The following FGD5 variants were observed in gnomAD, a reference collection of about 807,000 sequenced individuals.
FGD5 encodes the protein FYVE, RhoGEF and PH domain containing 5.
A neutral mutation model predicts 133.4 loss-of-function variants in FGD5; 28 were observed. That is an observed-to-expected ratio of 0.21 (90% CI 0.16 to 0.29). FGD5 has a LOEUF of 0.29. Ranked by LOEUF, FGD5 falls within the 10% of genes least tolerant of loss-of-function variation. FGD5 has a pLI of 1.00. For missense variants in FGD5, 1,858 were observed against 1,895.2 expected (o/e 0.98, Z 0.36); for synonymous variants, 810 against 776.5 (o/e 1.04, Z -0.72).
chr3:14,826,277 TTCTCCCTC>T (rs1276530427), intron 1 of FGD5, among the ~76,000 whole-genome samples: 3 of 151,988 alleles, frequency 2.0e-5, no homozygotes, highest in Admixed American at 6.6e-5. Flanking sequence ...CTCCCTCCCT[TTCTCCCTC>T]TCTCCCTCTC....
At chr3:14,895,555 C>G (rs1304866517) in intron 4 of FGD5, among the ~76,000 whole-genome samples, 1 of 152,016 alleles carries the variant, frequency 6.6e-6, no homozygotes, top group Non-Finnish European at 1.5e-5. Context: ...ACAACAAGAT[C>G]TGTTTTTTGT....
At chr3:14,833,390 A>G (rs1413415335) in intron 1 of FGD5, among the ~76,000 whole-genome samples, 1 of 152,240 alleles carries the variant, frequency 6.6e-6, no homozygotes, top group Admixed American at 6.5e-5. Context: ...GTAAGATTTT[A>G]ATTAAGAAAA....
At chr3:14,811,063 C>T (rs981218190) in intron 1 of FGD5, among the ~76,000 whole-genome samples, 1 of 152,120 alleles carries the variant, frequency 6.6e-6, no homozygotes, top group African/African-American at 2.4e-5. Flanking sequence ...GGGTCCCCGT[C>T]CGAAGCGCCC....
chr3:14,818,946 T>C, upstream of FGD5: 1 of 1,440,156 alleles, frequency 6.9e-7, no homozygotes, highest in African/African-American at 1.4e-5. Flanking sequence ...TCTCTATTTT[T>C]GTCATCTAGA....
chr3:14,821,964 G>A (rs954717077), intron 1 of FGD5, among the ~76,000 whole-genome samples: 2 of 152,116 alleles, frequency 1.3e-5, no homozygotes, highest in Non-Finnish European at 2.9e-5. Flanking sequence ...GCTGGGCATG[G>A]TGGCATGCAC....
At chr3:14,879,796 G>T (rs144631746) in intron 2 of FGD5, among the ~76,000 whole-genome samples, 1 of 152,212 alleles carries the variant, frequency 6.6e-6, no homozygotes, top group Non-Finnish European at 1.5e-5. Flanking sequence ...AGGTGCTGCC[G>T]TGGCTAAGTC....
rs780562248 is a variant in FGD5 at position 14,821,080 on chromosome 3, A to C, written c.2009A>C (p.His670Pro). 1 of 1,613,964 alleles carries C rather than the reference A, an allele frequency of 6.2e-7. No homozygotes were observed. Among genetic ancestry groups the C allele is most frequent in the Non-Finnish European group, 8.5e-7 (1 of 1,179,886 alleles). Residue 670 changes from histidine to proline, a missense_variant, in exon 1 of 20, where the codon CAT becomes CCT. This residue lies in a region of FGD5 where 1,824 missense variants were observed against 1,848.9 expected (regional missense o/e 0.99). Coordinates refer to ENST00000285046, the MANE Select transcript of FGD5 (RefSeq NM_152536.4). ...AAGAAGAAGACGGAGAACAAATTGC[A>C]TGTGGATGTGAACGTGTCTTCCTCT... Reference protein sequence around the residue: ...TFKKKTENKLHVDVNVSSSRS... With the variant: ...TFKKKTENKLPVDVNVSSSRS...
chr3:14,821,148 C>A lies in FGD5; in HGVS notation c.2077C>A (p.Leu693Met). 6.2e-7 allele frequency: 1 copy of A among 1,613,960 alleles called. No individual in the cohort carries two copies. The change falls in exon 1 of 20, where the codon CTG (leucine) becomes ATG (methionine). Residue 693 changes from leucine to methionine, a missense_variant. Physicochemically the swap from Leu to Met is conservative, Grantham distance 15 (BLOSUM62 2). This residue lies in a region of FGD5 where 1,824 missense variants were observed against 1,848.9 expected (regional missense o/e 0.99). Transcript: ENST00000285046. ...ESSYHGPSRI[L>M]EVDRRSLSNS... Reference sequence around the variant, plus strand: ...CAGCTACCACGGGCCTTCCAGGATTCTGGAAGTTGACCGGAGAAGCCTCAG... The same window carrying A: ...CAGCTACCACGGGCCTTCCAGGATTATGGAAGTTGACCGGAGAAGCCTCAG...
chr3:14,831,033 T>G (rs2125076970), intron 1 of FGD5, among the ~76,000 whole-genome samples: 1 of 152,312 alleles, frequency 6.6e-6, no homozygotes. Context: ...CAGGGAAGGC[T>G]TCTCTGAAGA....
intron 1 of FGD5, among the ~76,000 whole-genome samples, chr3:14,846,402 C>T (rs921190798): frequency 6.6e-6 from 1 of 152,162 alleles, no homozygotes; most frequent in Non-Finnish European, 1.5e-5. Flanking sequence ...TTTCTATTGT[C>T]GTGGTCTCTG....
chr3:14,877,214 C>T (rs1032745970), intron 2 of FGD5, among the ~76,000 whole-genome samples: 6 of 152,242 alleles, frequency 3.9e-5, no homozygotes, highest in Non-Finnish European at 7.3e-5. Context: ...GGGCAACGCC[C>T]AGAAGCAGTT....
intron 12 of FGD5, 70 bp from the exon 13 acceptor site, chr3:14,918,684 G>T: frequency 2.7e-6 from 4 of 1,493,026 alleles, no homozygotes; most frequent in Non-Finnish European, 1.9e-6. Flanking sequence ...TTCATCTGCT[G>T]CCAGGAGAAG....
chr3:14,902,244 T>C (rs1411533450), intron 9 of FGD5, among the ~76,000 whole-genome samples: 1 of 148,824 alleles, frequency 6.7e-6, no homozygotes, highest in Non-Finnish European at 1.5e-5. Context: ...ACCATGGCAT[T>C]GCACTCCAGC....
intron 11 of FGD5, among the ~76,000 whole-genome samples, chr3:14,913,208 C>G (rs561581571): frequency 6.6e-6 from 1 of 152,276 alleles, no homozygotes; most frequent in South Asian, 2.1e-4. Context: ...AGTGGAAAGA[C>G]TGGGTGGTTT....
At chr3:14,899,478 G>T (rs1385403400) in intron 7 of FGD5, among the ~76,000 whole-genome samples, 1 of 152,188 alleles carries the variant, frequency 6.6e-6, no homozygotes, top group Non-Finnish European at 1.5e-5. Context: ...AAAGACCCCT[G>T]ATGTCCTAAT....
At chr3:14,848,812 C>G (rs989211205) in intron 1 of FGD5, among the ~76,000 whole-genome samples, 5 of 152,120 alleles carry the variant, frequency 3.3e-5, no homozygotes, top group African/African-American at 1.2e-4. Context: ...TTGAGCTGGC[C>G]TTGGCAAGGA....
chr3:14,880,659 T>G, intron 3 of FGD5, 29 bp downstream of exon 3: 1 of 1,614,028 alleles, frequency 6.2e-7, no homozygotes, highest in East Asian at 2.2e-5. Flanking sequence ...GCCTGTGGCC[T>G]TGAGCTTATA....
At chr3:14,840,939 C>A (rs1378543719) in intron 1 of FGD5, among the ~76,000 whole-genome samples, 1 of 152,202 alleles carries the variant, frequency 6.6e-6, no homozygotes, top group African/African-American at 2.4e-5. Context: ...ATAAAAGTTA[C>A]TCTCAGCCAG....
At chr3:14,900,281 C>T in intron 7 of FGD5, 122 bp from the exon 8 acceptor site, 1 of 925,604 alleles carries the variant, frequency 1.1e-6, no homozygotes, top group Non-Finnish European at 1.7e-6. Flanking sequence ...ATGGGGCCAG[C>T]AGGGGAGAGA....
Sources: gnomAD v4.1 joint callset for allele counts (sites outside exome capture counted in the v4.1 genomes callset) on GRCh38, gnomAD v4.1.1 for gene constraint, gnomAD v4.1.1 regional missense constraint, MANE v1.5 for transcripts, NCBI Gene and HGNC (gene_info 2026-07-23, HGNC 2026-07-21) for gene names.